The following SLC4A4 variants were observed in gnomAD, a reference collection of about 807,000 sequenced individuals.
SLC4A4 encodes the protein electrogenic sodium bicarbonate cotransporter 1.
Under a neutral mutation model 111.5 loss-of-function variants are expected in SLC4A4, and 27 were observed. The observed-to-expected ratio is 0.24, with a 90% CI of 0.18 to 0.33. The LOEUF (loss-of-function observed/expected upper bound fraction) is 0.33, where lower values mean the gene tolerates loss of function less well. Among genes scored for constraint, SLC4A4 ranks in the 10% least tolerant of loss-of-function variants. SLC4A4 has a pLI of 1.00. For synonymous variants in SLC4A4, 443 were observed against 463.4 expected, an observed-to-expected ratio of 0.96 and a Z score of 0.57; for missense variants, 909 against 1,315.5, an observed-to-expected ratio of 0.69 and a Z score of 4.78.
At chr4:71,381,425 G>A (rs940669922) in intron 6 of SLC4A4, among the ~76,000 whole-genome samples, 1 of 152,090 alleles carries the variant, frequency 6.6e-6, no homozygotes, top group Admixed American at 6.6e-5. Context: ...TAGTGGCTCA[G>A]GTTATATTTG....
At chr4:71,372,992 C>G (rs1732024260) in intron 6 of SLC4A4, among the ~76,000 whole-genome samples, 1 of 152,042 alleles carries the variant, frequency 6.6e-6, no homozygotes, top group Admixed American at 6.5e-5. Flanking sequence ...TTTCTTTGAG[C>G]ATTTCTGGAA....
At position 71,513,037 on chromosome 4, in the gene SLC4A4, G is replaced by T. The variant is rs557035427; in HGVS notation, c.2166+15345G>T. Among the ~76,000 whole-genome samples, 3 of 152,266 alleles carry T rather than the reference G, an allele frequency of 2.0e-5. No individual in the cohort carries two copies. In the East Asian group the frequency reaches 5.8e-4, roughly 29 times the overall value. ...ATGCTGATGTGGTTACTACAGCATT[G>T]TAATATATCTTGAAGTCAGATAATG... On this transcript the variant is annotated intron_variant, in intron 16 of 25. Transcript: ENST00000264485.
chr4:71,150,722 A>G (rs751461035), intron 2 of SLC4A4, among the ~76,000 whole-genome samples: 2 of 152,080 alleles, frequency 1.3e-5, no homozygotes, highest in African/African-American at 4.8e-5. Flanking sequence ...AGCGCTTGGG[A>G]TTTGTGACCC....
chr4:71,277,312 C>T (rs1723141363), intron 3 of SLC4A4, among the ~76,000 whole-genome samples: 1 of 152,068 alleles, frequency 6.6e-6, no homozygotes, highest in Non-Finnish European at 1.5e-5. Context: ...TTAGAATTAT[C>T]ATTATTTTTT....
intron 2 of SLC4A4, among the ~76,000 whole-genome samples, chr4:71,106,156 A>C (rs1742911690): frequency 6.6e-6 from 1 of 151,916 alleles, no homozygotes; most frequent in Non-Finnish European, 1.5e-5. Context: ...TATGCAGTCA[A>C]AAAACACATG....
At chr4:71,367,866 CTTATA>C (rs981047896) in intron 6 of SLC4A4, among the ~76,000 whole-genome samples, 1 of 152,152 alleles carries the variant, frequency 6.6e-6, no homozygotes, top group African/African-American at 2.4e-5. Flanking sequence ...TGGCTATAAA[CTTATA>C]TTAATTTGTA....
chr4:71,240,059 A>G (rs946825700), intron 2 of SLC4A4, among the ~76,000 whole-genome samples: 3 of 152,078 alleles, frequency 2.0e-5, no homozygotes, highest in African/African-American at 7.2e-5. Flanking sequence ...TCAAACATAG[A>G]TGGGGGAAAT....
At chr4:71,376,094 CGTGT>C (rs1491428697) in intron 6 of SLC4A4, among the ~76,000 whole-genome samples, 1 of 131,592 alleles carries the variant, frequency 7.6e-6, no homozygotes, top group Non-Finnish European at 1.6e-5. Context: ...TACATATATA[CGTGT>C]GTATATATAT....
Position 71,497,643 on chromosome 4 carries a change from C to T in SLC4A4, c.2117C>T (p.Ser706Phe). The T allele has an allele frequency of 6.2e-7, 1 of 1,613,690 alleles. No homozygotes were observed. The highest frequency in any genetic ancestry group is 8.5e-7 in the Non-Finnish European group (1 of 1,179,738). ...SFILFLGTYT[S>F]SMALKKFKTS... Reference sequence around the variant, plus strand: ...ATCCTCTTCTTGGGAACCTACACCTCTTCCATGGCTCTGAAAAAATTCAAA... The same window carrying T: ...ATCCTCTTCTTGGGAACCTACACCTTTTCCATGGCTCTGAAAAAATTCAAA... Residue 706 changes from serine to phenylalanine, a missense_variant, in exon 16 of 26, where the codon TCT becomes TTT. Ser to Phe is a radical substitution (Grantham distance 155, BLOSUM62 -2). Transcript: ENST00000264485.
At chr4:71,328,492 C>T (rs919982417) in intron 3 of SLC4A4, among the ~76,000 whole-genome samples, 1 of 152,022 alleles carries the variant, frequency 6.6e-6, no homozygotes, top group Non-Finnish European at 1.5e-5. Flanking sequence ...TTCATTATTG[C>T]CTGTCTTTTG....
At chr4:71,196,953 G>A (rs901373452) in intron 1 of SLC4A4, among the ~76,000 whole-genome samples, 7 of 147,686 alleles carry the variant, frequency 4.7e-5, no homozygotes, top group Admixed American at 2.1e-4. Context: ...GGTGGCTCAC[G>A]CATATAATCC....
At chr4:71,342,867 C>T (rs566719949) in intron 4 of SLC4A4, among the ~76,000 whole-genome samples, 8 of 152,208 alleles carry the variant, frequency 5.3e-5, no homozygotes, top group South Asian at 2.1e-4. Context: ...CTTGGGAGCA[C>T]GTGTGCCATT....
intron 16 of SLC4A4, among the ~76,000 whole-genome samples, chr4:71,501,962 C>CTATTT (rs1234468040): frequency 6.6e-6 from 1 of 150,876 alleles, no homozygotes; most frequent in African/African-American, 2.4e-5. Flanking sequence ...CATGCCTGGC[C>CTATTT]TATTTTATTT....
intron 6 of SLC4A4, among the ~76,000 whole-genome samples, chr4:71,374,412 G>A (rs533882695): frequency 6.6e-6 from 1 of 152,090 alleles, no homozygotes; most frequent in Non-Finnish European, 1.5e-5. Context: ...AAATCTTTCA[G>A]CAACCTGATG....
rs190234318 is a variant in SLC4A4, at chr4:71,088,960, A to G, written c.-64-3770A>G. Among the ~76,000 whole-genome samples the G allele has an allele frequency of 6.0e-3, 907 of 152,146 alleles. 36 individuals carry two copies. The highest frequency in any genetic ancestry group is 0.053 in the Admixed American group (812 of 15,296). On this transcript the variant is annotated intron_variant, in intron 1 of 26. Coordinates refer to the SLC4A4 transcript ENST00000649996. ...AATTTGAATGTTGACCTGCCTTGCT[A>G]GATTGGGGAAGTTCTCATAGACAAT...
At chr4:71,279,165 T>A (rs1231827146) in intron 3 of SLC4A4, among the ~76,000 whole-genome samples, 1 of 152,236 alleles carries the variant, frequency 6.6e-6, no homozygotes, top group African/African-American at 2.4e-5. Flanking sequence ...TGCTGTACGA[T>A]AGATCTCCAG....
intron 2 of SLC4A4, among the ~76,000 whole-genome samples, chr4:71,162,072 C>T (rs1744628166): frequency 1.3e-5 from 2 of 152,248 alleles, no homozygotes; most frequent in African/African-American, 4.8e-5. Flanking sequence ...ATTCAATCAA[C>T]ATCACTTTGA....
intron 3 of SLC4A4, among the ~76,000 whole-genome samples, chr4:71,324,652 G>T (rs1389124686): frequency 6.6e-6 from 1 of 151,920 alleles, no homozygotes; most frequent in African/African-American, 2.4e-5. Context: ...CACAGAATAA[G>T]TTATAGAATA....
In SLC4A4 at chr4:71,357,070, A is replaced by G; in HGVS notation, c.613A>G (p.Thr205Ala). The G allele has an allele frequency of 6.2e-7, 1 of 1,614,122 alleles. No homozygotes were observed. Among genetic ancestry groups the G allele is most frequent in the Non-Finnish European group, 8.5e-7 (1 of 1,179,982 alleles). The change falls in exon 6 of 26, where the codon ACC becomes GCC. Residue 205 changes from threonine (T) to alanine (A), a missense_variant. Physicochemically the swap from Thr to Ala is moderately conservative, Grantham distance 58 (BLOSUM62 0). Transcript: ENST00000264485. ...GAAACCTGAACTTAAGGATAAGGTGACCTATACTTTGCTCCGGAAGCACCG... is the reference window on the plus strand; with the variant it reads ...GAAACCTGAACTTAAGGATAAGGTGGCCTATACTTTGCTCCGGAAGCACCG... ...LLKPELKDKV[T>A]YTLLRKHRHQ...
Sources: allele counts gnomAD v4.1 joint callset (sites outside exome capture counted in the v4.1 genomes callset), GRCh38; gene constraint gnomAD v4.1.1; transcripts MANE v1.5; gene names NCBI Gene and HGNC (gene_info 2026-07-23, HGNC 2026-07-21).